The following MECOM variants were observed in gnomAD, a reference collection of about 807,000 sequenced individuals.
The protein encoded by MECOM is MDS1 and EVI1 complex locus.
A neutral mutation model predicts 116.3 loss-of-function variants in MECOM; 13 were observed. The ratio of observed to expected loss-of-function variants is 0.11; its 90% CI spans 0.07 to 0.18. The LOEUF (loss-of-function observed/expected upper bound fraction) is 0.18. Ranked by LOEUF, MECOM falls within the 10% of genes least tolerant of loss-of-function variation. The probability of loss-of-function intolerance (pLI) is 1.00; values close to 1 mark genes in which losing one functional copy is unlikely to be tolerated. For synonymous variants in MECOM, 528 were observed against 535.2 expected (o/e 0.99, Z 0.19); for missense variants, 1,299 against 1,509.0 (o/e 0.86, Z 2.31).
At chr3:169,482,380 G>A (rs1280988290) in intron 1 of MECOM, among the ~76,000 whole-genome samples, 1 of 140,406 alleles carries the variant, frequency 7.1e-6, no homozygotes, top group East Asian at 2.1e-4. Flanking sequence ...GGCCCAGGCT[G>A]GAATGCAGCG....
intron 1 of MECOM, among the ~76,000 whole-genome samples, chr3:169,582,217 G>A (rs1353212505): frequency 6.6e-6 from 1 of 152,070 alleles, no homozygotes; most frequent in Non-Finnish European, 1.5e-5. Flanking sequence ...CCCAGGCAGC[G>A]CTTTGCAGAA....
chr3:169,493,444 C>T (rs1022000051), intron 1 of MECOM, among the ~76,000 whole-genome samples: 1 of 152,144 alleles, frequency 6.6e-6, no homozygotes, highest in Admixed American at 6.5e-5. Context: ...TTGCTGCCTC[C>T]TTCACTTTGC....
chr3:169,494,180 G>A (rs1252162635), intron 1 of MECOM, among the ~76,000 whole-genome samples: 1 of 151,728 alleles, frequency 6.6e-6, no homozygotes, highest in Non-Finnish European at 1.5e-5. Flanking sequence ...TTAAAACAGG[G>A]GACAATCTCA....
intron 2 of MECOM, among the ~76,000 whole-genome samples, chr3:169,157,474 T>C (rs1047542234): frequency 2.6e-5 from 4 of 152,262 alleles, no homozygotes; most frequent in African/African-American, 9.6e-5. Flanking sequence ...GTTTAGTTTA[T>C]AATCCATTTA....
chr3:169,174,736 C>T (rs557880545), intron 2 of MECOM, among the ~76,000 whole-genome samples: 3 of 152,130 alleles, frequency 2.0e-5, no homozygotes, highest in Admixed American at 1.3e-4. Context: ...TAGCATAAGA[C>T]GAGGTCATTT....
intron 1 of MECOM, among the ~76,000 whole-genome samples, chr3:169,582,651 T>C (rs1358130575): frequency 1.3e-5 from 2 of 152,212 alleles, no homozygotes; most frequent in South Asian, 2.1e-4. Flanking sequence ...CCTTTGTCTC[T>C]GCACAACCCT....
At chr3:169,138,385 G>A (rs1737026229) in intron 3 of MECOM, among the ~76,000 whole-genome samples, 1 of 152,064 alleles carries the variant, frequency 6.6e-6, no homozygotes, top group African/African-American at 2.4e-5. Flanking sequence ...ACTTCACTGG[G>A]GCAGGGGATG....
At chr3:169,277,505 C>T (rs925574367) in intron 2 of MECOM, among the ~76,000 whole-genome samples, 1 of 152,076 alleles carries the variant, frequency 6.6e-6, no homozygotes, top group Non-Finnish European at 1.5e-5. Context: ...GAAAAGGGAA[C>T]CAAAGATGAA....
At chr3:169,556,418 C>T (rs1338571564) in intron 1 of MECOM, among the ~76,000 whole-genome samples, 4 of 152,090 alleles carry the variant, frequency 2.6e-5, no homozygotes, top group African/African-American at 9.7e-5. Flanking sequence ...AAAGGGGAAC[C>T]AAATTTCTGT....
chr3:169,266,690 T>C (rs1490897620), intron 2 of MECOM, among the ~76,000 whole-genome samples: 3 of 152,218 alleles, frequency 2.0e-5, no homozygotes, highest in African/African-American at 7.2e-5. Context: ...ACTGGCAATT[T>C]GAGGACATAC....
intron 1 of MECOM, among the ~76,000 whole-genome samples, chr3:169,551,991 G>A (rs1246735929): frequency 6.6e-6 from 1 of 152,008 alleles, no homozygotes; most frequent in Non-Finnish European, 1.5e-5. Flanking sequence ...TATCTGAAAT[G>A]TCCAGAATAG....
intron 2 of MECOM, among the ~76,000 whole-genome samples, chr3:169,156,175 C>A (rs1741946712): frequency 6.6e-6 from 1 of 152,036 alleles, no homozygotes; most frequent in Non-Finnish European, 1.5e-5. Context: ...AAAGATAGCT[C>A]CCTCTTGGAG....
chr3:169,406,642 C>T (rs188856404), intron 1 of MECOM, among the ~76,000 whole-genome samples: 16 of 152,256 alleles, frequency 1.1e-4, no homozygotes, highest in South Asian at 4.1e-4. Context: ...CACTCTCTTA[C>T]GCATTTTACA....
rs1328890493 is a variant in MECOM, at chr3:169,472,689, A to G, written c.38-91165T>C. ...AAAGGAAAGGAGAGGAGAGGAAAGG[A>G]AAGGGAAGGGAAGGAAAGGAAGAAA... is the stretch of plus-strand genomic sequence containing the variant. On this transcript the variant is annotated intron_variant, in intron 1 of 16. Coordinates refer to ENST00000651503, the MANE Select transcript of MECOM (RefSeq NM_004991.4). Among the ~76,000 whole-genome samples, 67 of 136,756 alleles carry G rather than the reference A, an allele frequency of 4.9e-4. 4 individuals are homozygous for G. The highest frequency in any genetic ancestry group is 1.0e-3 in the African/African-American group (37 of 36,152). 89.7% of individuals were successfully genotyped at this position (136,756 alleles called of 152,430 possible).
intron 2 of MECOM, among the ~76,000 whole-genome samples, chr3:169,274,237 G>T (rs974807724): frequency 6.6e-5 from 10 of 151,956 alleles, no homozygotes; most frequent in African/African-American, 2.4e-4. Context: ...AAATGAGTGA[G>T]GAGTACTGCC....
intron 2 of MECOM, among the ~76,000 whole-genome samples, chr3:169,309,333 AT>A (rs1446327863): frequency 2.6e-5 from 4 of 152,222 alleles, no homozygotes; most frequent in South Asian, 4.1e-4. Flanking sequence ...ATATTTGCAT[AT>A]TTTTATCTTA....
At chr3:169,527,318 C>T (rs1000347604) in intron 1 of MECOM, among the ~76,000 whole-genome samples, 2 of 152,184 alleles carry the variant, frequency 1.3e-5, no homozygotes, top group African/African-American at 2.4e-5. Flanking sequence ...CGGAAACTTT[C>T]GTTAGTGACT....
At chr3:169,581,191 G>A (rs145652482) in intron 1 of MECOM, among the ~76,000 whole-genome samples, 2 of 152,270 alleles carry the variant, frequency 1.3e-5, no homozygotes, top group Admixed American at 6.5e-5. Flanking sequence ...AAGGAGCACC[G>A]AATCTCTGAT....
chr3:169,281,752 C>G (rs1451029975), intron 2 of MECOM, among the ~76,000 whole-genome samples: 1 of 152,048 alleles, frequency 6.6e-6, no homozygotes, highest in East Asian at 1.9e-4. Context: ...GTTGATGCTA[C>G]AGTGAGCTGA....
Sources: allele counts gnomAD v4.1 joint callset (sites outside exome capture counted in the v4.1 genomes callset), GRCh38; gene constraint gnomAD v4.1.1; transcripts MANE v1.5; gene names NCBI Gene and HGNC (gene_info 2026-07-23, HGNC 2026-07-21).